The following DOCK1 variants were observed in gnomAD, a reference collection of about 807,000 sequenced individuals.
DOCK1 encodes dedicator of cytokinesis 1.
In DOCK1, 138 loss-of-function variants were observed where a neutral mutation model predicts 262.7. The ratio of observed to expected loss-of-function variants is 0.53; its 90% confidence interval spans 0.46 to 0.61. The LOEUF (loss-of-function observed/expected upper bound fraction) is 0.61. Among genes scored for constraint, DOCK1 ranks in the 20% least tolerant of loss-of-function variants. DOCK1 has a pLI of 0.00. For synonymous variants in DOCK1, 866 were observed against 867.4 expected, an observed-to-expected ratio of 1.00 and a Z score of 0.03; for missense variants, 1,908 against 2,370.7, an observed-to-expected ratio of 0.80 and a Z score of 4.05.
intron 1 of DOCK1, among the ~76,000 whole-genome samples, chr10:126,939,158 A>C (rs1261804290): frequency 6.6e-6 from 1 of 152,118 alleles, no homozygotes; most frequent in African/African-American, 2.4e-5. Context: ...ACATGGCAGA[A>C]GGGATGCAAG....
chr10:127,151,355 C>T (rs757496863), intron 27 of DOCK1, among the ~76,000 whole-genome samples: 1 of 152,006 alleles, frequency 6.6e-6, no homozygotes, highest in African/African-American at 2.4e-5. Flanking sequence ...GGAGTCCAGC[C>T]GAAATATTAC....
At position 127,124,066 on chromosome 10, in the gene DOCK1, G is replaced by A. The variant is rs578155780; in HGVS notation, c.2624-1408G>A. On this transcript the variant is annotated intron_variant, in intron 25 of 51. Transcript: ENST00000623213. ...ATGAGCCGCCCACATGTGATCCGCT[G>A]GAGACAGGGGAGTAGAGGGGTTTGT... 4.6e-5 allele frequency among the ~76,000 whole-genome samples: 7 copies of A among 152,304 alleles called. No individual in the cohort carries two copies. In the South Asian group the frequency reaches 1.5e-3, roughly 32 times the overall value.
intron 29 of DOCK1, among the ~76,000 whole-genome samples, chr10:127,290,187 G>A (rs2135358440): frequency 6.6e-6 from 1 of 152,060 alleles, no homozygotes; most frequent in East Asian, 1.9e-4. Flanking sequence ...TTTCTGGTAT[G>A]CCTGGATTTT....
At chr10:127,311,282 T>C (rs1590384869) in intron 29 of DOCK1, among the ~76,000 whole-genome samples, 1 of 152,112 alleles carries the variant, frequency 6.6e-6, no homozygotes, top group Non-Finnish European at 1.5e-5. Flanking sequence ...TTCTCATTCA[T>C]CCTATAGAAG....
At chr10:127,007,960 G>A (rs1238222879) in intron 10 of DOCK1, among the ~76,000 whole-genome samples, 5 of 152,114 alleles carry the variant, frequency 3.3e-5, no homozygotes, top group Non-Finnish European at 4.4e-5. Context: ...AATTGTTTGC[G>A]GGAAAGCAAA....
At chr10:127,222,383 T>C (rs1266764967) in intron 27 of DOCK1, among the ~76,000 whole-genome samples, 1 of 152,188 alleles carries the variant, frequency 6.6e-6, no homozygotes, top group East Asian at 1.9e-4. Context: ...TCTCTCTCAA[T>C]ATGTTGTAGG....
At position 127,374,773 on chromosome 10, in the gene DOCK1, G is replaced by A. The variant is rs548277427; in HGVS notation, c.3675+559G>A. Among the ~76,000 whole-genome samples, 14 of 152,318 alleles carry A rather than the reference G, an allele frequency of 9.2e-5. No individual in the cohort carries two copies. The South Asian group carries it at 2.9e-3, about 32-fold the overall frequency. On this transcript the variant is annotated intron_variant, in intron 35 of 51. Coordinates refer to ENST00000623213, the MANE Select transcript of DOCK1 (RefSeq NM_001290223.2). Reference sequence around the variant, plus strand: ...GACACAGAAACAGGCTAGACCTTGTGAAGATGGAGGCAGAGATTGGAGGGA... The same window carrying A: ...GACACAGAAACAGGCTAGACCTTGTAAAGATGGAGGCAGAGATTGGAGGGA...
intron 47 of DOCK1, among the ~76,000 whole-genome samples, chr10:127,429,554 C>T (rs1694164492): frequency 6.6e-6 from 1 of 152,190 alleles, no homozygotes; most frequent in African/African-American, 2.4e-5. Context: ...ACCATTTTGT[C>T]AGTGTTTCTG....
rs182545573 is a variant in DOCK1 at position 127,118,292 on chromosome 10, C to G, written c.2624-7182C>G. 6.6e-5 allele frequency among the ~76,000 whole-genome samples: 10 copies of G among 152,222 alleles called. No homozygotes were observed. In the South Asian group the frequency reaches 2.1e-3, roughly 32 times the overall value. On this transcript the variant is annotated intron_variant, in intron 25 of 51. Coordinates refer to ENST00000623213, the MANE Select transcript of DOCK1 (RefSeq NM_001290223.2). ...AAACAGACTTCCTGCCTGACCAATT[C>G]TTCTCACACAGTGTTTTCTGCATTT... is the stretch of plus-strand genomic sequence containing the variant.
chr10:127,104,075 G>A (rs1820956516), intron 23 of DOCK1, among the ~76,000 whole-genome samples: 1 of 152,124 alleles, frequency 6.6e-6, no homozygotes, highest in South Asian at 2.1e-4. Context: ...ATCTTCTATG[G>A]AGAATTGCCT....
intron 1 of DOCK1, among the ~76,000 whole-genome samples, chr10:126,964,564 A>G (rs1341178846): frequency 6.6e-6 from 1 of 152,270 alleles, no homozygotes; most frequent in Non-Finnish European, 1.5e-5. Flanking sequence ...AGGCAAGAGA[A>G]AGGAAATGAG....
At chr10:127,441,872 A>G (rs2070178912) in intron 49 of DOCK1, among the ~76,000 whole-genome samples, 1 of 152,178 alleles carries the variant, frequency 6.6e-6, no homozygotes, top group South Asian at 2.1e-4. Flanking sequence ...CAGAGCCTCC[A>G]GGCTGTGATT....
chr10:126,959,585 C>G (rs951864666), intron 1 of DOCK1, among the ~76,000 whole-genome samples: 1 of 152,178 alleles, frequency 6.6e-6, no homozygotes, highest in Non-Finnish European at 1.5e-5. Flanking sequence ...GCTGCATCTT[C>G]CCCAGGTGGG....
At position 127,056,625 on chromosome 10, in the gene DOCK1, CCCTT is replaced by C. The variant is rs901101387; in HGVS notation, c.2336+3825_2336+3828del. ...TTCCCTCCTTTTTTCTCTCTTTTGT[CCCTT>C]CCTTCCTTCCTTCCATGAATACTTA... On this transcript the variant is annotated intron_variant, in intron 22 of 51. Transcript: ENST00000623213. 7.2e-5 allele frequency among the ~76,000 whole-genome samples: 11 copies of C among 152,120 alleles called. No individual in the cohort carries two copies. The East Asian group carries it at 9.7e-4, about 13-fold the overall frequency.
At chr10:127,103,057 C>T (rs1564805096) in intron 23 of DOCK1, among the ~76,000 whole-genome samples, 1 of 152,162 alleles carries the variant, frequency 6.6e-6, no homozygotes, top group Non-Finnish European at 1.5e-5. Context: ...TGGGATGCAG[C>T]CTCTTGCATA....
chr10:127,390,925 C>T (rs1590848062), intron 38 of DOCK1, among the ~76,000 whole-genome samples: 2 of 152,328 alleles, frequency 1.3e-5, no homozygotes, highest in Non-Finnish European at 1.5e-5. Context: ...TCCTGTTGGA[C>T]GGTGCTGCTC....
chr10:127,232,256 G>C (rs1590047883), intron 27 of DOCK1, among the ~76,000 whole-genome samples: 1 of 152,304 alleles, frequency 6.6e-6, no homozygotes, highest in East Asian at 1.9e-4. Context: ...CATTTCAGGA[G>C]TGGAAGAATC....
At chr10:127,179,081 T>C (rs2055466422) in intron 27 of DOCK1, among the ~76,000 whole-genome samples, 1 of 152,188 alleles carries the variant, frequency 6.6e-6, no homozygotes, top group Admixed American at 6.5e-5. Context: ...CAAAAAGCAA[T>C]TTACTAGTAA....
chr10:126,910,865 G>C (rs1388618932), intron 1 of DOCK1, among the ~76,000 whole-genome samples: 1 of 152,052 alleles, frequency 6.6e-6, no homozygotes, highest in East Asian at 1.9e-4. Context: ...TTTTCACTCA[G>C]TATCTCTCTC....
Sources: gnomAD v4.1 joint callset for allele counts (sites outside exome capture counted in the v4.1 genomes callset) on GRCh38, gnomAD v4.1.1 for gene constraint, MANE v1.5 for transcripts, NCBI Gene and HGNC (gene_info 2026-07-23, HGNC 2026-07-21) for gene names.